The following TCF4 variants were observed in gnomAD, a reference collection of about 807,000 sequenced individuals.
TCF4 encodes transcription factor 4, also known as SL3-3 enhancer factor 2.
In TCF4, 3 loss-of-function variants were observed where a neutral mutation model predicts 82.1. The ratio of observed to expected loss-of-function variants is 0.04; its 90% CI spans 0.02 to 0.09. The LOEUF is 0.09. TCF4 is among the 10% of genes least tolerant of loss of function. The pLI, the probability that TCF4 is intolerant of heterozygous loss-of-function variation, is 1.00. For synonymous variants in TCF4, 276 were observed against 309.6 expected (o/e 0.89, Z 1.14); for missense variants, 518 against 852.7 (o/e 0.61, Z 4.89).
At chr18:55,232,437 C>A in intron 17 of TCF4, 72 bp downstream of exon 17, 1 of 1,561,342 alleles carries the variant, frequency 6.4e-7, no homozygotes, top group African/African-American at 1.4e-5. Flanking sequence ...TGAATAGTTT[C>A]TTCCCGTTCT....
chr18:55,254,260 G>A lies in TCF4; in HGVS notation c.1350+237C>T, dbSNP rs74810858. 1.7e-4 allele frequency among the ~76,000 whole-genome samples: 26 copies of A among 152,202 alleles called. No individual in the cohort carries two copies. In the East Asian group the frequency reaches 4.8e-3, roughly 28 times the overall value. Reference sequence around the variant, plus strand: ...GGAATGACTGCTTAATGGGCAACGGGGATTCTTTTCTTTTTGCAGGGGGCA... The same window carrying A: ...GGAATGACTGCTTAATGGGCAACGGAGATTCTTTTCTTTTTGCAGGGGGCA... On this transcript the variant is annotated intron_variant, in intron 15 of 19. Transcript: ENST00000354452.
intron 5 of TCF4, among the ~76,000 whole-genome samples, chr18:55,421,933 A>G (rs1282267575): frequency 6.6e-6 from 1 of 152,116 alleles, no homozygotes; most frequent in Non-Finnish European, 1.5e-5. Context: ...ATATTTGTCG[A>G]TATCTCTGCT....
At chr18:55,577,870 A>C (rs969412624) in intron 3 of TCF4, among the ~76,000 whole-genome samples, 3 of 152,150 alleles carry the variant, frequency 2.0e-5, no homozygotes, top group Non-Finnish European at 4.4e-5. Flanking sequence ...TATGCCAACC[A>C]TCAGTCCAGT....
chr18:55,269,326 C>G (rs1332743281), intron 11 of TCF4: 1 of 172,166 alleles, frequency 5.8e-6, no homozygotes, highest in African/African-American at 2.4e-5. Flanking sequence ...CTGAGGGACT[C>G]CACAGTGTCA....
intron 3 of TCF4, among the ~76,000 whole-genome samples, chr18:55,561,852 G>A (rs1319936582): frequency 6.6e-6 from 1 of 152,136 alleles, no homozygotes. Flanking sequence ...TCAAAGTGAT[G>A]TCCAGAGCAA....
At chr18:55,321,583 T>G in intron 8 of TCF4, 1 of 1,530,488 alleles carries the variant, frequency 6.5e-7, no homozygotes, top group Non-Finnish European at 8.8e-7. Flanking sequence ...CTGCACAACT[T>G]TGCAAACAAT....
chr18:55,487,718 A>G (rs931277247), intron 3 of TCF4, among the ~76,000 whole-genome samples: 1 of 152,152 alleles, frequency 6.6e-6, no homozygotes, highest in African/African-American at 2.4e-5. Context: ...AAAAAAATAG[A>G]CAAGGATGGG....
chr18:55,234,524 A>G, intron 16 of TCF4, 24 bp downstream of exon 16: 1 of 1,614,188 alleles, frequency 6.2e-7, no homozygotes, highest in Non-Finnish European at 8.5e-7. Context: ...TGAGGTCAGA[A>G]GTGCCCTGGT....
At chr18:55,530,608 T>G (rs1013037600) in intron 3 of TCF4, among the ~76,000 whole-genome samples, 2 of 151,774 alleles carry the variant, frequency 1.3e-5, no homozygotes, top group African/African-American at 2.4e-5. Context: ...AGGAGGTGAC[T>G]GCTTAGAAAG....
At position 55,342,033 on chromosome 18, in the gene TCF4, G is replaced by A. The variant is rs181527379; in HGVS notation, c.549+8326C>T. 3.7e-3 allele frequency among the ~76,000 whole-genome samples: 556 copies of A among 152,242 alleles called. 12 individuals carry two copies. Among genetic ancestry groups the A allele is most frequent in the Admixed American group, 0.034 (521 of 15,270 alleles). On this transcript the variant is annotated intron_variant, in intron 8 of 19. Transcript: ENST00000354452. ...TGTTACATGGTGTGTCTAGTTTTTA[G>A]CTGCAATGAAAAATACTCTTTGAAT...
intron 3 of TCF4, among the ~76,000 whole-genome samples, chr18:55,502,815 C>A (rs2096714965): frequency 6.6e-6 from 1 of 152,124 alleles, no homozygotes. Context: ...TAAAACTATT[C>A]TTAATAGACA....
At chr18:55,403,618 T>C (rs1331656778) in intron 5 of TCF4, 100 bp from the exon 6 acceptor site, 1 of 1,610,806 alleles carries the variant, frequency 6.2e-7, no homozygotes, top group South Asian at 1.1e-5. Flanking sequence ...GATGTTTACA[T>C]ACGTAAAGTA....
chr18:55,608,153 G>A (rs571362013), intron 2 of TCF4, among the ~76,000 whole-genome samples: 3 of 152,150 alleles, frequency 2.0e-5, no homozygotes, highest in Non-Finnish European at 4.4e-5. Flanking sequence ...AAGCACTTTA[G>A]GAAAATTCTC....
chr18:55,467,063 G>GA (rs1440971378), intron 3 of TCF4, among the ~76,000 whole-genome samples: 1 of 152,072 alleles, frequency 6.6e-6, no homozygotes, highest in Non-Finnish European at 1.5e-5. Flanking sequence ...TCTCAAGGAT[G>GA]AGGACAAATC....
upstream of TCF4, among the ~76,000 whole-genome samples, chr18:55,592,331 C>T (rs1199119079): frequency 3.9e-5 from 6 of 152,148 alleles, no homozygotes; most frequent in Non-Finnish European, 8.8e-5. Flanking sequence ...CAAAGTCTGA[C>T]ATCAGGGTGC....
intron 1 of TCF4, among the ~76,000 whole-genome samples, chr18:55,634,820 A>T (rs570756100): frequency 6.6e-6 from 1 of 152,344 alleles, no homozygotes; most frequent in African/African-American, 2.4e-5. Context: ...TAGAAGTGAT[A>T]TTGCACAGAA....
At chr18:55,330,802 C>G (rs1375283706) in intron 8 of TCF4, among the ~76,000 whole-genome samples, 3 of 151,990 alleles carry the variant, frequency 2.0e-5, no homozygotes, top group Admixed American at 2.0e-4. Context: ...CTCCTGACCT[C>G]GTGATCCGCC....
At chr18:55,418,749 A>G (rs1358279591) in intron 5 of TCF4, among the ~76,000 whole-genome samples, 2 of 152,310 alleles carry the variant, frequency 1.3e-5, no homozygotes, top group Admixed American at 6.5e-5. Context: ...TTGTCATGCC[A>G]TACTTGAGGA....
intron 5 of TCF4, among the ~76,000 whole-genome samples, chr18:55,445,225 C>A (rs934053310): frequency 2.0e-5 from 3 of 152,254 alleles, no homozygotes; most frequent in Middle Eastern, 3.4e-3. Context: ...ACACAAGAGA[C>A]CCTTCATTTC....
Sources: gnomAD v4.1 joint callset for allele counts (sites outside exome capture counted in the v4.1 genomes callset) on GRCh38, gnomAD v4.1.1 for gene constraint, MANE v1.5 for transcripts, NCBI Gene and HGNC (gene_info 2026-07-23, HGNC 2026-07-21) for gene names.